Variants in SPAG16 observed in about 807,000 individuals in gnomAD.
SPAG16 encodes the protein sperm associated antigen 16, also known as sperm-associated antigen 16 protein.
Under a neutral mutation model 80.4 loss-of-function variants are expected in SPAG16, and 86 were observed. The observed-to-expected ratio is 1.07, with a 90% CI of 0.90 to 1.28. The LOEUF is 1.28. Among genes scored for constraint, SPAG16 ranks in the 50% most tolerant of loss-of-function variants. SPAG16 has a pLI of 0.00. For synonymous variants in SPAG16, 294 were observed against 265.9 expected (o/e 1.11, Z -1.03); for missense variants, 870 against 765.3 (o/e 1.14, Z -1.61).
At chr2:213,415,444 T>G (rs998740216) in intron 9 of SPAG16, among the ~76,000 whole-genome samples, 5 of 152,112 alleles carry the variant, frequency 3.3e-5, no homozygotes, top group African/African-American at 1.2e-4. Context: ...ACAATTGAAG[T>G]GGAACAAAAC....
chr2:214,163,536 A>G (rs961103040), intron 15 of SPAG16, among the ~76,000 whole-genome samples: 1 of 150,812 alleles, frequency 6.6e-6, no homozygotes, highest in Non-Finnish European at 1.5e-5. Context: ...GTGTATGTAT[A>G]TATGTGTGTG....
At chr2:213,560,550 G>C (rs1315485888) in intron 10 of SPAG16, among the ~76,000 whole-genome samples, 4 of 152,066 alleles carry the variant, frequency 2.6e-5, no homozygotes, top group Non-Finnish European at 5.9e-5. Context: ...AATAATGAAA[G>C]ATTCTCTAAA....
chr2:214,318,527 G>C (rs959016890), intron 15 of SPAG16, among the ~76,000 whole-genome samples: 1 of 151,934 alleles, frequency 6.6e-6, no homozygotes, highest in Non-Finnish European at 1.5e-5. Context: ...GATTGCAGGT[G>C]TGCACCACCA....
chr2:214,006,449 T>G (rs1349257523), intron 12 of SPAG16, among the ~76,000 whole-genome samples: 1 of 152,094 alleles, frequency 6.6e-6, no homozygotes, highest in Non-Finnish European at 1.5e-5. Flanking sequence ...AGAGAAATAT[T>G]TATCATTCAG....
intron 15 of SPAG16, among the ~76,000 whole-genome samples, chr2:214,222,110 CTTTTTTT>C (rs10694178): frequency 0.02 from 2,068 of 103,630 alleles, 28 homozygotes; most frequent in East Asian, 0.088. Flanking sequence ...CCTTGCTATT[CTTTTTTT>C]TTTTTTTTTT....
intron 10 of SPAG16, among the ~76,000 whole-genome samples, chr2:213,587,052 G>A (rs937869477): frequency 3.3e-5 from 5 of 152,098 alleles, no homozygotes; most frequent in African/African-American, 4.8e-5. Flanking sequence ...GGGTCTTAGC[G>A]CTCATGGCTT....
chr2:213,485,166 T>G (rs373753269), intron 9 of SPAG16, among the ~76,000 whole-genome samples: 2 of 151,992 alleles, frequency 1.3e-5, no homozygotes, highest in Non-Finnish European at 1.5e-5. Context: ...GGCTAATTTT[T>G]GTATTTTTTG....
At chr2:214,248,219 G>A (rs1254838026) in intron 15 of SPAG16, among the ~76,000 whole-genome samples, 4 of 151,168 alleles carry the variant, frequency 2.6e-5, no homozygotes, top group Non-Finnish European at 5.9e-5. Context: ...GAACTAAGAG[G>A]TTAGAGGAAA....
chr2:213,902,733 C>T (rs1478302514), intron 11 of SPAG16, among the ~76,000 whole-genome samples: 1 of 152,298 alleles, frequency 6.6e-6, no homozygotes, highest in African/African-American at 2.4e-5. Context: ...AAAGTCTTAA[C>T]TCATCTCAGC....
intron 13 of SPAG16, among the ~76,000 whole-genome samples, chr2:214,052,618 G>T (rs961740345): frequency 6.6e-6 from 1 of 152,008 alleles, no homozygotes; most frequent in South Asian, 2.1e-4. Context: ...TATATTATAA[G>T]AATAATAATA....
intron 10 of SPAG16, among the ~76,000 whole-genome samples, chr2:213,713,973 A>G (rs1415462072): frequency 6.6e-6 from 1 of 152,226 alleles, no homozygotes; most frequent in Non-Finnish European, 1.5e-5. Flanking sequence ...ATAACAAACT[A>G]TCAAAAGTTC....
intron 5 of SPAG16, among the ~76,000 whole-genome samples, chr2:213,326,716 A>G (rs1389604861): frequency 6.6e-6 from 1 of 152,024 alleles, no homozygotes; most frequent in Non-Finnish European, 1.5e-5. Flanking sequence ...TATGACAAAG[A>G]TAGCCTACTT....
chr2:213,535,496 C>A (rs2076212099), intron 10 of SPAG16, among the ~76,000 whole-genome samples: 2 of 152,060 alleles, frequency 1.3e-5, no homozygotes, highest in Admixed American at 1.3e-4. Flanking sequence ...GTGCATACAC[C>A]ATCCTGAGAT....
chr2:214,388,696 A>G (rs1700897855), intron 15 of SPAG16, among the ~76,000 whole-genome samples: 1 of 152,196 alleles, frequency 6.6e-6, no homozygotes, highest in South Asian at 2.1e-4. Context: ...ATCCCAAAAT[A>G]AACTTTACTG....
intron 12 of SPAG16, among the ~76,000 whole-genome samples, chr2:213,974,394 T>C (rs2045247775): frequency 6.6e-6 from 1 of 151,978 alleles, no homozygotes; most frequent in African/African-American, 2.4e-5. Flanking sequence ...TTTAAGTCAA[T>C]AAATAAAAGA....
At chr2:213,540,427 A>G (rs775013223) in intron 10 of SPAG16, among the ~76,000 whole-genome samples, 1 of 152,194 alleles carries the variant, frequency 6.6e-6, no homozygotes, top group Non-Finnish European at 1.5e-5. Flanking sequence ...GAACTTGGGA[A>G]TATCAGTGTG....
intron 15 of SPAG16, among the ~76,000 whole-genome samples, chr2:214,338,792 A>G (rs1039862930): frequency 6.6e-6 from 1 of 152,234 alleles, no homozygotes; most frequent in Admixed American, 6.5e-5. Context: ...CTAACTATTT[A>G]TGATTCTCCA....
At chr2:213,980,712 G>GTA (rs1553686607) in intron 12 of SPAG16, among the ~76,000 whole-genome samples, 1,434 of 113,876 alleles carry the variant, frequency 0.013, 13 homozygotes, top group Middle Eastern at 0.027. Flanking sequence ...GTGTGTGTGT[G>GTA]TATATATATA....
chr2:213,842,546 G>T (rs11684151), intron 10 of SPAG16, among the ~76,000 whole-genome samples: 37,556 of 151,872 alleles, frequency 0.25, 5,176 homozygotes, highest in Middle Eastern at 0.38. Context: ...GATTATATTA[G>T]ATTTAATTTA....
Sources: gnomAD v4.1 joint callset for allele counts (sites outside exome capture counted in the v4.1 genomes callset) on GRCh38, gnomAD v4.1.1 for gene constraint, MANE v1.5 for transcripts, NCBI Gene and HGNC (gene_info 2026-07-23, HGNC 2026-07-21) for gene names.